Variants in KIAA1217 observed in about 807,000 individuals in gnomAD.
The protein encoded by KIAA1217 is sickle tail protein homolog.
A neutral mutation model predicts 163.9 loss-of-function variants in KIAA1217; 88 were observed. The ratio of observed to expected loss-of-function variants is 0.54; its 90% CI spans 0.45 to 0.64. The LOEUF (loss-of-function observed/expected upper bound fraction) is 0.64. Among genes scored for constraint, KIAA1217 ranks in the 30% least tolerant of loss-of-function variants. The probability of loss-of-function intolerance (pLI) is 0.00; values close to 1 mark genes in which losing one functional copy is unlikely to be tolerated. For synonymous variants in KIAA1217, 903 were observed against 923.1 expected, an observed-to-expected ratio of 0.98 and a Z score of 0.39; for missense variants, 2,372 against 2,475.0, an observed-to-expected ratio of 0.96 and a Z score of 0.88.
intron 1 of KIAA1217, among the ~76,000 whole-genome samples, chr10:23,853,987 T>C (rs1839507333): frequency 1.3e-5 from 2 of 152,162 alleles, no homozygotes; most frequent in African/African-American, 4.8e-5. Flanking sequence ...ATTAATTTTT[T>C]GAAGGATTTT....
At chr10:23,897,369 T>C in intron 1 of KIAA1217, among the ~76,000 whole-genome samples, 1 of 152,128 alleles carries the variant, frequency 6.6e-6, no homozygotes, top group Admixed American at 6.6e-5. Context: ...ACCTCTTGGT[T>C]TGACTTTTCC....
intron 2 of KIAA1217, among the ~76,000 whole-genome samples, chr10:24,357,645 G>A (rs1027194185): frequency 6.6e-6 from 1 of 152,170 alleles, no homozygotes; most frequent in Admixed American, 6.5e-5. Context: ...TTTTCTTGGG[G>A]GGTTCTGAGT....
intron 2 of KIAA1217, among the ~76,000 whole-genome samples, chr10:24,269,366 G>A (rs1404719982): frequency 6.6e-6 from 1 of 151,870 alleles, no homozygotes; most frequent in African/African-American, 2.4e-5. Flanking sequence ...CTACAAAAAA[G>A]TAAAACATAT....
intron 2 of KIAA1217, among the ~76,000 whole-genome samples, chr10:24,276,331 G>A (rs2077279123): frequency 6.6e-6 from 1 of 152,188 alleles, no homozygotes; most frequent in South Asian, 2.1e-4. Flanking sequence ...TTTCAGAAAT[G>A]CAAAAGACAA....
In KIAA1217 at chr10:24,238,811, T is replaced by G. The variant is rs567761866; in HGVS notation, c.354+18902T>G. Among the ~76,000 whole-genome samples the G allele has an allele frequency of 9.9e-5, 15 of 152,262 alleles. No homozygotes were observed. In the Middle Eastern group the frequency reaches 0.01, roughly 104 times the overall value. On this transcript the variant is annotated intron_variant, in intron 2 of 20. Coordinates refer to ENST00000376454, the MANE Select transcript of KIAA1217 (RefSeq NM_019590.5). ...CGCTGTAGGTTTTTCTTCCACCAAT[T>G]AAGTGCATTGTTAGACAGGGAGGGG...
At chr10:24,152,957 A>G (rs922141601) in intron 2 of KIAA1217, among the ~76,000 whole-genome samples, 9 of 152,222 alleles carry the variant, frequency 5.9e-5, no homozygotes, top group African/African-American at 1.9e-4. Context: ...AATAAATGTA[A>G]TAACAGTCTT....
chr10:24,529,199 G>A (rs1399694819), intron 14 of KIAA1217, among the ~76,000 whole-genome samples: 1 of 152,060 alleles, frequency 6.6e-6, no homozygotes, highest in Admixed American at 6.6e-5. Flanking sequence ...GGTATCCATG[G>A]GAGATTAGTT....
At chr10:23,720,994 C>G (rs771763746) in intron 1 of KIAA1217, among the ~76,000 whole-genome samples, 1 of 152,118 alleles carries the variant, frequency 6.6e-6, no homozygotes, top group African/African-American at 2.4e-5. Context: ...CCTTAAGGAT[C>G]TTTTTGGATT....
In KIAA1217 at chr10:24,247,534, C is replaced by T. The variant is rs369016473; in HGVS notation, c.354+27625C>T. Reference sequence around the variant, plus strand: ...TTTCCAGGCTGGGCGTGGTGGCTCACGCTTGTAATCCCAGCACTTTGGGAG... The same window carrying T: ...TTTCCAGGCTGGGCGTGGTGGCTCATGCTTGTAATCCCAGCACTTTGGGAG... On this transcript the variant is annotated intron_variant, in intron 2 of 20. Transcript: ENST00000376454. Among the ~76,000 whole-genome samples the T allele has an allele frequency of 2.2e-4, 33 of 152,298 alleles. 3 individuals carry two copies. Among genetic ancestry groups the T allele is most frequent in the South Asian group, 1.9e-3 (9 of 4,824 alleles).
In KIAA1217 at chr10:24,158,077, A is replaced by G; in HGVS notation, c.-170-61549A>G. ...CACAACCAGTTTTACTAGCTCATAA[A>G]GATAAAAGTGGCGCTCCACAAGTTA... is the stretch of plus-strand genomic sequence containing the variant. On this transcript the variant is annotated intron_variant, in intron 2 of 18. Coordinates refer to the KIAA1217 transcript ENST00000376462. 3 of 755,838 alleles carry G rather than the reference A, an allele frequency of 4.0e-6. No individual in the cohort carries two copies. In the South Asian group the frequency reaches 4.0e-5, roughly 10 times the overall value. The allele number at this position is 755,838 out of a possible 1,614,324, so 46.8% of individuals were successfully genotyped here. A position where few individuals can be genotyped will look rare whatever the true frequency, so the allele number is the denominator to read the frequency against.
intron 2 of KIAA1217, among the ~76,000 whole-genome samples, chr10:24,321,034 G>T (rs528506731): frequency 2.0e-5 from 3 of 149,454 alleles, no homozygotes; most frequent in Admixed American, 6.7e-5. Context: ...GCAACAGAGC[G>T]AGACTCCATC....
rs557828327 is a variant in KIAA1217 at position 23,729,486 on chromosome 10, C to A, written c.-321+34252C>A. Among the ~76,000 whole-genome samples, 9 of 152,230 alleles carry A rather than the reference C, an allele frequency of 5.9e-5. No homozygotes were observed. The East Asian group carries it at 1.7e-3, about 29-fold the overall frequency. ...GTGGTGTCAGAGTTCTATATTTTGA[C>A]TATTTTAATAGGTATGTACTAGTAT... On this transcript the variant is annotated intron_variant, in intron 1 of 18. Transcript: ENST00000376462.
Position 23,798,819 on chromosome 10 carries a change from T to C in KIAA1217, c.-321+103585T>C, listed in dbSNP as rs146289371. On this transcript the variant is annotated intron_variant, in intron 1 of 18. Transcript: ENST00000376462. ...TGTTCAGTTTGGCTCAAGCGTAGAGTCCATTGGAAGGAAGGATGAGAGATG... is the reference window on the plus strand; with the variant it reads ...TGTTCAGTTTGGCTCAAGCGTAGAGCCCATTGGAAGGAAGGATGAGAGATG... Among the ~76,000 whole-genome samples the C allele has an allele frequency of 2.6e-5, 4 of 152,120 alleles. No homozygotes were observed. The East Asian group carries it at 7.7e-4, about 29-fold the overall frequency.
chr10:23,889,003 A>G (rs1841307697), intron 1 of KIAA1217, among the ~76,000 whole-genome samples: 1 of 151,886 alleles, frequency 6.6e-6, no homozygotes, highest in African/African-American at 2.4e-5. Flanking sequence ...AGAGCCATCC[A>G]TTTGTGGCAA....
intron 2 of KIAA1217, among the ~76,000 whole-genome samples, chr10:24,358,458 T>C (rs2134164704): frequency 6.6e-6 from 1 of 152,340 alleles, no homozygotes; most frequent in East Asian, 1.9e-4. Flanking sequence ...AACTCTGAGA[T>C]TTGTGAATGT....
At chr10:23,949,822 C>A (rs1190610375) in intron 1 of KIAA1217, among the ~76,000 whole-genome samples, 1 of 152,160 alleles carries the variant, frequency 6.6e-6, no homozygotes, top group Non-Finnish European at 1.5e-5. Flanking sequence ...AGTTTGTTTG[C>A]TGAACCATCG....
intron 2 of KIAA1217, among the ~76,000 whole-genome samples, chr10:24,074,058 A>T (rs2061283054): frequency 6.6e-6 from 1 of 152,096 alleles, no homozygotes; most frequent in African/African-American, 2.4e-5. Flanking sequence ...TAAAAAAAAA[A>T]TTAGGCCAGG....
Position 23,891,448 on chromosome 10 carries a change from G to A in KIAA1217, c.-320-115777G>A, listed in dbSNP as rs570521965. Among the ~76,000 whole-genome samples the A allele has an allele frequency of 3.3e-5, 5 of 151,962 alleles. No homozygotes were observed. The East Asian group carries it at 7.8e-4, about 24-fold the overall frequency. On this transcript the variant is annotated intron_variant, in intron 1 of 18. Transcript: ENST00000376462. ...TTTGAACCCATTTTCCCGACACTCT[G>A]GCAGCTCTCTTGCCCTCAGGACCCA...
At chr10:24,454,098 C>A (rs554245718) in intron 5 of KIAA1217, among the ~76,000 whole-genome samples, 7 of 152,052 alleles carry the variant, frequency 4.6e-5, no homozygotes, top group East Asian at 3.9e-4. Flanking sequence ...CGAAAAAAAA[C>A]CATTTTGATG....
Sources: gnomAD v4.1 joint callset for allele counts (sites outside exome capture counted in the v4.1 genomes callset) on GRCh38, gnomAD v4.1.1 for gene constraint, MANE v1.5 for transcripts, NCBI Gene and HGNC (gene_info 2026-07-23, HGNC 2026-07-21) for gene names.